SDC4: variants seen among roughly 807,000 people sequenced by gnomAD.
SDC4 encodes syndecan 4, also known as syndecan-4.
Under a neutral mutation model 20.5 loss-of-function variants are expected in SDC4, and 17 were observed. The observed-to-expected ratio is 0.83, with a 90% CI of 0.57 to 1.25. SDC4 has a LOEUF of 1.25. Among genes scored for constraint, SDC4 ranks in the 50% most tolerant of loss-of-function variants. The pLI is 0.00. For missense variants in SDC4, 241 were observed against 252.3 expected (o/e 0.96, Z 0.30); for synonymous variants, 107 against 105.3 (o/e 1.02, Z -0.10).
chr20:45,332,988 CA>C, intron 3 of SDC4, 34 bp downstream of exon 3: 2 of 1,607,946 alleles, frequency 1.2e-6, no homozygotes, highest in Non-Finnish European at 1.7e-6. Context: ...TATAGAGGAG[CA>C]AAGTGGAAGA....
intron 1 of SDC4, among the ~76,000 whole-genome samples, chr20:45,336,636 G>A (rs6073718): frequency 0.73 from 111,303 of 151,778 alleles, 41,091 homozygotes; most frequent in East Asian, 0.95. Context: ...AGAGCCAGGA[G>A]TCTCCATGCA....
intron 3 of SDC4, 128 bp from the exon 4 acceptor site, chr20:45,330,692 G>A: frequency 1.3e-6 from 1 of 754,380 alleles, no homozygotes; most frequent in South Asian, 1.8e-5. Context: ...TGGTCCTGGA[G>A]CAGGAATTGG....
rs750033737 is a variant in SDC4 at position 45,335,819 on chromosome 20, T to A, written c.162A>T (p.Glu54Asp). ...DDEDVVGPGQESDDFELSGSG... is the reference protein window; with the variant it reads ...DDEDVVGPGQDSDDFELSGSG... Reference sequence around the variant, plus strand: ...AGCCAGACAGCTCAAAGTCATCAGATTCCTGCCCGGGCCCCACTACATCCT... The same window carrying A: ...AGCCAGACAGCTCAAAGTCATCAGAATCCTGCCCGGGCCCCACTACATCCT... The change falls in exon 2 of 5, where the codon GAA becomes GAT. Residue 54 changes from glutamate to aspartate, a missense_variant. By Grantham distance (45) the Glu-to-Asp change is conservative. Transcript: ENST00000372733. 1 of 1,613,926 alleles carries A rather than the reference T, an allele frequency of 6.2e-7. No individual in the cohort carries two copies. Among genetic ancestry groups the A allele is most frequent in the Non-Finnish European group, 8.5e-7 (1 of 1,179,994 alleles).
chr20:45,341,639 G>C (rs534220815), intron 1 of SDC4, among the ~76,000 whole-genome samples: 59 of 152,278 alleles, frequency 3.9e-4, no homozygotes, highest in African/African-American at 1.4e-3. Flanking sequence ...GTTAAACCAG[G>C]TCTGGGGGTG....
chr20:45,346,765 C>T (rs1408068782), intron 1 of SDC4, among the ~76,000 whole-genome samples: 1 of 152,234 alleles, frequency 6.6e-6, no homozygotes, highest in African/African-American at 2.4e-5. Flanking sequence ...CATCACCTCA[C>T]TCTGGCCTTG....
chr20:45,337,419 A>G lies in SDC4; in HGVS notation c.61-1499T>C, dbSNP rs1011454261. Among the ~76,000 whole-genome samples the G allele has an allele frequency of 3.9e-5, 6 of 152,184 alleles. No homozygotes were observed. The South Asian group carries it at 1.2e-3, about 31-fold the overall frequency. On this transcript the variant is annotated intron_variant, in intron 1 of 4. Transcript: ENST00000372733. Reference sequence around the variant, plus strand: ...GGTCTGCTTAGAATCACAGAATGCCAGGACCCAAGGAGCTCCTGTCCTCCC... The same window carrying G: ...GGTCTGCTTAGAATCACAGAATGCCGGGACCCAAGGAGCTCCTGTCCTCCC...
At chr20:45,327,479 CCT>C in intron 4 of SDC4, 64 bp from the exon 5 acceptor site, 1 of 1,515,928 alleles carries the variant, frequency 6.6e-7, no homozygotes, top group East Asian at 2.3e-5. Flanking sequence ...AGGATGAACC[CCT>C]CTTTCCCCCA....
intron 2 of SDC4, among the ~76,000 whole-genome samples, chr20:45,334,490 T>C (rs1987831450): frequency 6.6e-6 from 1 of 152,108 alleles, no homozygotes; most frequent in Admixed American, 6.6e-5. Context: ...ATTTATTTTT[T>C]TATTTTTATT....
intron 1 of SDC4, among the ~76,000 whole-genome samples, chr20:45,340,776 G>C (rs1388223354): frequency 2.0e-5 from 3 of 152,214 alleles, no homozygotes; most frequent in African/African-American, 7.2e-5. Flanking sequence ...TTAGTGGGGA[G>C]AGGGGATGGT....
chr20:45,328,877 A>T (rs1446086397), intron 4 of SDC4, among the ~76,000 whole-genome samples: 1 of 152,032 alleles, frequency 6.6e-6, no homozygotes, highest in Non-Finnish European at 1.5e-5. Context: ...TCAGGCATCA[A>T]CCCCATTCTT....
Position 45,333,046 on chromosome 20 carries a change from C to G in SDC4, c.223G>C (p.Gly75Arg), listed in dbSNP as rs780031850. ...DLDDLEDSMIGPEVVHPLVPL... is the reference protein window; with the variant it reads ...DLDDLEDSMIRPEVVHPLVPL... ...ACCAAGGGATGGACAACTTCAGGGC[C>G]GATCATGGAGTCTTCCAAGTCATCT... Residue 75 changes from glycine to arginine, a missense_variant, in exon 3 of 5, where the codon GGC becomes CGC. By Grantham distance (125) the Gly-to-Arg change is moderately radical. Transcript: ENST00000372733. 3 of 1,614,008 alleles carry G rather than the reference C, an allele frequency of 1.9e-6. No homozygotes were observed. In the African/African-American group the frequency reaches 4.0e-5, roughly 22 times the overall value.
At chr20:45,342,525 G>T (rs939085961) in intron 1 of SDC4, among the ~76,000 whole-genome samples, 2 of 152,176 alleles carry the variant, frequency 1.3e-5, no homozygotes, top group African/African-American at 2.4e-5. Context: ...GGTGTCACCT[G>T]ACCAGCAGCC....
chr20:45,329,532 C>T (rs1987744048), intron 4 of SDC4, among the ~76,000 whole-genome samples: 1 of 152,232 alleles, frequency 6.6e-6, no homozygotes, highest in African/African-American at 2.4e-5. Context: ...CTCCCAGGAA[C>T]CCTCTTTACA....
At chr20:45,343,104 A>T (rs900335537) in intron 1 of SDC4, among the ~76,000 whole-genome samples, 1 of 152,180 alleles carries the variant, frequency 6.6e-6, no homozygotes, top group Non-Finnish European at 1.5e-5. Flanking sequence ...CCCAGCCTTC[A>T]GCAGATGGGA....
intron 2 of SDC4, among the ~76,000 whole-genome samples, chr20:45,335,251 C>T (rs1050204515): frequency 6.6e-6 from 1 of 151,844 alleles, no homozygotes; most frequent in African/African-American, 2.4e-5. Context: ...GATCTTGGCT[C>T]ACTGCAGCCC....
Position 45,325,633 on chromosome 20 carries a change from CCCCT to C in SDC4, c.*1627_*1630del, listed in dbSNP as rs1260074331. 2.2e-5 allele frequency: 2 copies of C among 90,182 alleles called. No homozygotes were observed. The highest frequency in any genetic ancestry group is 4.4e-5 in the Non-Finnish European group (2 of 45,280). The allele number at this position is 90,182 out of a possible 1,614,324, so 5.6% of individuals were successfully genotyped here. A position where few individuals can be genotyped will look rare whatever the true frequency, so the allele number is the denominator to read the frequency against. Reference sequence around the variant, plus strand: ...TCATCAGCCCTCCCCCATTCCCCCCCCCCTACCCAGGGAGACAAGGGTCGTCCCA... The same window carrying C: ...TCATCAGCCCTCCCCCATTCCCCCCCACCCAGGGAGACAAGGGTCGTCCCA... On this transcript the variant is annotated 3_prime_UTR_variant, in exon 5 of 5. Coordinates refer to ENST00000372733, the MANE Select transcript of SDC4 (RefSeq NM_002999.4).
intron 1 of SDC4, among the ~76,000 whole-genome samples, chr20:45,337,263 A>G (rs2267867): frequency 0.22 from 33,897 of 152,152 alleles, 3,849 homozygotes; most frequent in East Asian, 0.38. Context: ...TATTCTACTA[A>G]TTAATTCAAA....
chr20:45,335,924 A>G lies in SDC4; in HGVS notation c.61-4T>C. The G allele has an allele frequency of 6.2e-7, 1 of 1,610,260 alleles. No individual in the cohort carries two copies. The highest frequency in any genetic ancestry group is 1.3e-5 in the African/African-American group (1 of 75,024). Reference sequence around the variant, plus strand: ...CGATGACCTCAGTCTCTCGGATCTAAGATAAAGAAAGGAGACACATCAGCC... The same window carrying G: ...CGATGACCTCAGTCTCTCGGATCTAGGATAAAGAAAGGAGACACATCAGCC... On this transcript the variant is annotated splice_polypyrimidine_tract_variant and splice_region_variant and intron_variant, in intron 1 of 4. Coordinates refer to ENST00000372733, the MANE Select transcript of SDC4 (RefSeq NM_002999.4).
intron 4 of SDC4, among the ~76,000 whole-genome samples, chr20:45,327,686 C>T (rs1987714104): frequency 1.8e-5 from 1 of 55,170 alleles, no homozygotes; most frequent in African/African-American, 1.2e-4. Flanking sequence ...ACTCTGTTGC[C>T]CGAGCTGAGT....
Sources: gnomAD v4.1 joint callset for allele counts (sites outside exome capture counted in the v4.1 genomes callset) on GRCh38, gnomAD v4.1.1 for gene constraint, MANE v1.5 for transcripts, NCBI Gene and HGNC (gene_info 2026-07-23, HGNC 2026-07-21) for gene names.